Variants in SYNE2 observed in about 807,000 individuals in gnomAD.
SYNE2 encodes spectrin repeat containing nuclear envelope protein 2.
SYNE2 carries 431 observed loss-of-function variants against 856.3 expected under a neutral mutation model. That is an observed-to-expected ratio of 0.50 (90% CI 0.47 to 0.55). The LOEUF (loss-of-function observed/expected upper bound fraction) is 0.55, where lower values mean the gene tolerates loss of function less well. SYNE2 is among the 20% of genes least tolerant of loss of function. SYNE2 has a pLI of 0.00. For missense variants in SYNE2, 8,129 were observed against 8,023.2 expected, an observed-to-expected ratio of 1.01 and a Z score of -0.50; for synonymous variants, 2,923 against 2,872.3, an observed-to-expected ratio of 1.02 and a Z score of -0.56.
intron 94 of SYNE2, among the ~76,000 whole-genome samples, chr14:64,171,069 C>T (rs1163938862): frequency 1.3e-5 from 2 of 152,110 alleles, no homozygotes; most frequent in East Asian, 3.8e-4. Context: ...AAACCTCATG[C>T]ACTCACAAAA....
chr14:64,176,038 A>T (rs905526586), intron 95 of SYNE2, among the ~76,000 whole-genome samples: 1 of 152,216 alleles, frequency 6.6e-6, no homozygotes, highest in Non-Finnish European at 1.5e-5. Flanking sequence ...GTTGAGTTCC[A>T]GATAGTTAAT....
At chr14:63,887,662 T>C (rs1395340999) in intron 1 of SYNE2, among the ~76,000 whole-genome samples, 1 of 152,186 alleles carries the variant, frequency 6.6e-6, no homozygotes, top group African/African-American at 2.4e-5. Context: ...CTGGTTTTTT[T>C]TCCCCCCCAT....
At chr14:64,019,661 G>A (rs189519071) in intron 34 of SYNE2, among the ~76,000 whole-genome samples, 1 of 152,302 alleles carries the variant, frequency 6.6e-6, no homozygotes, top group Non-Finnish European at 1.5e-5. Context: ...GTGTGTGTAT[G>A]TGTGTGCATG....
At chr14:64,201,659 G>A (rs1437834776) in intron 99 of SYNE2, among the ~76,000 whole-genome samples, 1 of 152,140 alleles carries the variant, frequency 6.6e-6, no homozygotes, top group Non-Finnish European at 1.5e-5. Context: ...CCAAAGGTGG[G>A]CAGGAAGTCT....
chr14:64,101,174 T>C (rs997727816), intron 63 of SYNE2, among the ~76,000 whole-genome samples: 3 of 152,290 alleles, frequency 2.0e-5, no homozygotes, highest in Non-Finnish European at 2.9e-5. Flanking sequence ...TACTCAGTAG[T>C]GGGATTGCTG....
intron 1 of SYNE2, among the ~76,000 whole-genome samples, chr14:63,807,723 G>A (rs1189947058): frequency 6.9e-6 from 1 of 144,348 alleles, no homozygotes; most frequent in Non-Finnish European, 1.5e-5. Flanking sequence ...GGAGTGCAGT[G>A]GCAGGATCAT....
intron 45 of SYNE2, among the ~76,000 whole-genome samples, chr14:64,036,578 C>A (rs1397706604): frequency 2.0e-5 from 3 of 152,176 alleles, no homozygotes; most frequent in Non-Finnish European, 4.4e-5. Context: ...CATGAGCCAC[C>A]ACCCCTGGCC....
chr14:64,060,011 G>C (rs1254232418), intron 49 of SYNE2, among the ~76,000 whole-genome samples: 1 of 152,156 alleles, frequency 6.6e-6, no homozygotes, highest in Non-Finnish European at 1.5e-5. Flanking sequence ...CAGTCGGCTT[G>C]TGGTGAATGC....
At chr14:63,888,665 G>A (rs971602957) in intron 1 of SYNE2, among the ~76,000 whole-genome samples, 4 of 151,958 alleles carry the variant, frequency 2.6e-5, no homozygotes, top group Non-Finnish European at 5.9e-5. Context: ...ATACTTTTTG[G>A]GTAAATTATT....
intron 63 of SYNE2, among the ~76,000 whole-genome samples, chr14:64,101,106 A>C (rs758051336): frequency 4.6e-5 from 7 of 152,164 alleles, no homozygotes; most frequent in Non-Finnish European, 8.8e-5. Flanking sequence ...ACAGTGCTGC[A>C]TTGAACATGG....
intron 23 of SYNE2, among the ~76,000 whole-genome samples, chr14:63,995,780 CAG>C (rs1394819212): frequency 1.4e-5 from 2 of 143,274 alleles, no homozygotes; most frequent in Admixed American, 1.4e-4. Flanking sequence ...TATATATAAA[CAG>C]ATATAGATGT....
Position 64,053,492 on chromosome 14 carries a change from A to T in SYNE2, c.9579A>T (p.Glu3193Asp), listed in dbSNP as rs773011520. 6.2e-7 allele frequency: 1 copy of T among 1,614,234 alleles called. No individual in the cohort carries two copies. The highest frequency in any genetic ancestry group is 1.1e-5 in the South Asian group (1 of 91,072). ...KHIQNEKDNC[E>D]AFQEQVWAEM... ...TTCAAAATGAAAAGGACAATTGTGAAGCATTTCAGGAGCAAGTTTGGGCAG... is the reference window on the plus strand; with the variant it reads ...TTCAAAATGAAAAGGACAATTGTGATGCATTTCAGGAGCAAGTTTGGGCAG... The change falls in exon 48 of 116, where the codon GAA (glutamate) becomes GAT (aspartate). Residue 3193 changes from glutamate (E) to aspartate (D), a missense_variant. Around this residue, in one of 3 missense-constraint regions of SYNE2, gnomAD observed 5,410 missense variants for 5,284.8 expected, o/e 1.02. Coordinates refer to ENST00000555002, the MANE Select transcript of SYNE2 (RefSeq NM_182914.3).
chr14:63,928,669 CTTTA>C (rs1239250001), intron 2 of SYNE2, among the ~76,000 whole-genome samples: 4 of 151,688 alleles, frequency 2.6e-5, no homozygotes, highest in African/African-American at 9.7e-5. Context: ...TAATTTGTTT[CTTTA>C]TTTATTTCTG....
chr14:64,144,068 A>G (rs1476164362), intron 83 of SYNE2, 120 bp downstream of exon 83: 11 of 1,162,030 alleles, frequency 9.5e-6, no homozygotes, highest in East Asian at 2.4e-5. Context: ...CATCTCAACT[A>G]TAGCCCTTTT....
chr14:64,185,379 A>C (rs2098483423), intron 96 of SYNE2, among the ~76,000 whole-genome samples: 1 of 152,150 alleles, frequency 6.6e-6, no homozygotes, highest in Non-Finnish European at 1.5e-5. Flanking sequence ...CACAATAAAA[A>C]TCTGGTAGAC....
intron 1 of SYNE2, among the ~76,000 whole-genome samples, chr14:63,889,310 C>T (rs2095073442): frequency 6.6e-6 from 1 of 151,842 alleles, no homozygotes; most frequent in African/African-American, 2.4e-5. Flanking sequence ...ATCTAACTTA[C>T]AGTATTTTTA....
Position 64,215,446 on chromosome 14 carries a change from C to T in SYNE2, c.19402+92C>T, listed in dbSNP as rs189184871. On this transcript the variant is annotated intron_variant, in intron 107 of 115. Coordinates refer to ENST00000555002, the MANE Select transcript of SYNE2 (RefSeq NM_182914.3). ...CGCTCCCATGTCGTGTCTACCTCTG[C>T]CTTCTGTGGACACCATGCGCCTTGG... 3.6e-5 allele frequency: 45 copies of T among 1,257,452 alleles called. No individual in the cohort carries two copies. The African/African-American group carries it at 6.5e-4, about 18-fold the overall frequency. 77.9% of individuals were successfully genotyped at this position (1,257,452 alleles called of 1,614,324 possible).
intron 53 of SYNE2, among the ~76,000 whole-genome samples, chr14:64,075,414 G>T (rs1046854959): frequency 1.3e-5 from 2 of 152,156 alleles, no homozygotes; most frequent in Admixed American, 6.5e-5. Flanking sequence ...TACATTCTTT[G>T]TATGGAACTG....
In SYNE2 at chr14:63,980,628, C is replaced by T. The variant is rs1302540111; in HGVS notation, c.1570-26C>T. On this transcript the variant is annotated intron_variant, in intron 14 of 115. Transcript: ENST00000555002. ...GCACAATTTTAAAAGTAAAAACTGTCAATATGTTTTTTGTTTTCTTCCCAG... is the reference window on the plus strand; with the variant it reads ...GCACAATTTTAAAAGTAAAAACTGTTAATATGTTTTTTGTTTTCTTCCCAG... The T allele has an allele frequency of 2.1e-6, 3 of 1,448,482 alleles. No homozygotes were observed. The South Asian group carries it at 3.5e-5, about 17-fold the overall frequency. 89.7% of individuals were successfully genotyped at this position (1,448,482 alleles called of 1,614,324 possible).
Sources: allele counts gnomAD v4.1 joint callset (sites outside exome capture counted in the v4.1 genomes callset), GRCh38; gene constraint gnomAD v4.1.1; regional missense constraint gnomAD v4.1.1; transcripts MANE v1.5; gene names NCBI Gene and HGNC (gene_info 2026-07-23, HGNC 2026-07-21).